The following PSME4 variants were observed in gnomAD, a reference collection of about 807,000 sequenced individuals.
The protein encoded by PSME4 is proteasome activator complex subunit 4.
A neutral mutation model predicts 253.9 loss-of-function variants in PSME4; 89 were observed. The observed-to-expected ratio is 0.35, with a 90% CI of 0.30 to 0.42. The LOEUF is 0.42. Among genes scored for constraint, PSME4 ranks in the 10% least tolerant of loss-of-function variants. The probability of loss-of-function intolerance (pLI) is 1.00; values close to 1 mark genes in which losing one functional copy is unlikely to be tolerated. For synonymous variants in PSME4, 851 were observed against 759.2 expected (o/e 1.12, Z -1.99); for missense variants, 2,014 against 2,195.2 (o/e 0.92, Z 1.65).
rs2302877 is a variant in PSME4 at position 53,895,702 on chromosome 2, A to G, written c.3723T>C (p.Gly1241=). Residue 1241 remains glycine (G), a synonymous_variant, in exon 33 of 47, where the codon GGT becomes GGC. Transcript: ENST00000404125. ...GCAACCAATGATTATCAGGCCTATC[A>G]CCAGCAATAATTTGGGTGGGTTTAG... The part of the protein sequence containing the change: ...GCPKPTQIIA[G]DRPDNHWLHY... The G allele has an allele frequency of 6.2e-7, 1 of 1,612,378 alleles. No homozygotes were observed. The highest frequency in any genetic ancestry group is 2.2e-5 in the East Asian group (1 of 44,810).
intron 6 of PSME4, 84 bp downstream of exon 6, chr2:53,936,680 T>C: frequency 1.0e-6 from 1 of 966,034 alleles, no homozygotes; most frequent in Non-Finnish European, 1.5e-6. Context: ...TCTATTAATA[T>C]TTATCTCCAA....
intron 3 of PSME4, among the ~76,000 whole-genome samples, chr2:53,947,532 C>T (rs1015576831): frequency 1.3e-5 from 2 of 151,850 alleles, no homozygotes; most frequent in Non-Finnish European, 1.5e-5. Flanking sequence ...GGTGAAACAC[C>T]GTCTCTACTA....
chr2:53,948,012 T>C (rs917388235), intron 3 of PSME4, among the ~76,000 whole-genome samples: 6 of 151,886 alleles, frequency 4.0e-5, no homozygotes, highest in African/African-American at 9.7e-5. Context: ...TGAGACACCA[T>C]CTCAGAAAAA....
intron 42 of PSME4, 58 bp from the exon 43 acceptor site, chr2:53,874,552 C>T (rs1679034982): frequency 2.7e-6 from 4 of 1,458,920 alleles, no homozygotes. Flanking sequence ...CATGAGATGA[C>T]AGATAGTGAC....
intron 3 of PSME4, among the ~76,000 whole-genome samples, chr2:53,943,610 G>A (rs1196548608): frequency 1.3e-5 from 2 of 152,126 alleles, no homozygotes; most frequent in Non-Finnish European, 2.9e-5. Context: ...GGAAGCCGAG[G>A]CGGGTGGATC....
chr2:53,919,747 G>A (rs541031125), intron 19 of PSME4, among the ~76,000 whole-genome samples: 9 of 151,966 alleles, frequency 5.9e-5, no homozygotes, highest in African/African-American at 1.9e-4. Context: ...TATTATTTTA[G>A]AAACTTTCAA....
intron 36 of PSME4, among the ~76,000 whole-genome samples, chr2:53,892,421 C>T (rs1021565022): frequency 6.6e-6 from 1 of 152,070 alleles, no homozygotes; most frequent in Non-Finnish European, 1.5e-5. Flanking sequence ...GATAAGGAGG[C>T]TAAGAGAAAG....
chr2:53,905,044 GTT>G (rs569890497), intron 26 of PSME4, among the ~76,000 whole-genome samples: 1 of 133,166 alleles, frequency 7.5e-6, no homozygotes, highest in Non-Finnish European at 1.6e-5. Context: ...ACTATAACCA[GTT>G]TTTTTTTTTT....
chr2:53,890,347 C>T, intron 36 of PSME4, 139 bp from the exon 37 acceptor site: 2 of 628,972 alleles, frequency 3.2e-6, no homozygotes, highest in South Asian at 2.0e-5. Context: ...CATGCTATTG[C>T]CCAGGCTGGA....
intron 5 of PSME4, among the ~76,000 whole-genome samples, 200 bp from the exon 6 acceptor site, chr2:53,937,027 T>C (rs1037162021): frequency 6.6e-6 from 1 of 152,224 alleles, no homozygotes; most frequent in Admixed American, 6.5e-5. Context: ...TTAAGAAATA[T>C]GATCTCACAG....
chr2:53,937,071 A>G (rs889899472), intron 5 of PSME4, among the ~76,000 whole-genome samples: 1 of 152,158 alleles, frequency 6.6e-6, no homozygotes, highest in Non-Finnish European at 1.5e-5. Context: ...AGTACTGTCC[A>G]TTCTTATTTA....
Position 53,895,826 on chromosome 2 carries a change from T to C in PSME4, c.3689-90A>G. The C allele has an allele frequency of 2.5e-6, 3 of 1,188,172 alleles. No homozygotes were observed. In the South Asian group the frequency reaches 4.8e-5, roughly 19 times the overall value. The allele number at this position is 1,188,172 out of a possible 1,614,324, so 73.6% of individuals were successfully genotyped here. A position where few individuals can be genotyped will look rare whatever the true frequency, so the allele number is the denominator to read the frequency against. On this transcript the variant is annotated intron_variant, in intron 32 of 46. Transcript: ENST00000404125. Reference sequence around the variant, plus strand: ...TCAATCAACAGTACCAGCATAACTTTGTCTTCACAAAACAACACTACAAAA... The same window carrying C: ...TCAATCAACAGTACCAGCATAACTTCGTCTTCACAAAACAACACTACAAAA...
chr2:53,890,372 T>C (rs1219791121), intron 36 of PSME4, among the ~76,000 whole-genome samples, 164 bp from the exon 37 acceptor site: 5 of 152,168 alleles, frequency 3.3e-5, no homozygotes, highest in African/African-American at 9.7e-5. Flanking sequence ...AGTGGAATGA[T>C]CATACCTCGA....
chr2:53,932,292 G>T (rs1668868952), intron 9 of PSME4, among the ~76,000 whole-genome samples, 192 bp from the exon 10 acceptor site: 1 of 151,828 alleles, frequency 6.6e-6, no homozygotes, highest in Non-Finnish European at 1.5e-5. Context: ...TAATGAAAAT[G>T]AGTTTCAAAT....
At chr2:53,961,804 G>C (rs1358496961) in intron 1 of PSME4, among the ~76,000 whole-genome samples, 1 of 152,088 alleles carries the variant, frequency 6.6e-6, no homozygotes, top group Non-Finnish European at 1.5e-5. Flanking sequence ...AGGTACACTC[G>C]CCAGCAGTTT....
At chr2:53,877,299 A>G (rs1026674079) in intron 41 of PSME4, among the ~76,000 whole-genome samples, 2 of 151,214 alleles carry the variant, frequency 1.3e-5, no homozygotes, top group Admixed American at 6.6e-5. Context: ...ACATGCCTAT[A>G]GTCCTTGGGA....
intron 26 of PSME4, 152 bp from the exon 27 acceptor site, chr2:53,904,308 G>T (rs1193338485): frequency 2.5e-6 from 2 of 788,488 alleles, no homozygotes; most frequent in East Asian, 5.4e-5. Context: ...AGAAGTAAAT[G>T]ATTATCTTTA....
intron 43 of PSME4, among the ~76,000 whole-genome samples, chr2:53,872,275 A>G (rs1678913352): frequency 6.6e-6 from 1 of 152,162 alleles, no homozygotes; most frequent in Admixed American, 6.5e-5. Context: ...ATTTTCCTCT[A>G]TTTCTAAGAA....
Position 53,887,384 on chromosome 2 carries a change from G to A in PSME4, c.4604C>T (p.Ala1535Val), listed in dbSNP as rs200700251. ...TISPHVPEFT[A>V]RILEKLKPLM... is the part of the protein sequence containing the mutation. ...AGGTTTCAATTTCTCCAGAATTCGA[G>A]CAGTAAACTCAGGGACATGAGGCGA... is the stretch of plus-strand genomic sequence containing the variant. Residue 1535 changes from alanine to valine, a missense_variant, in exon 40 of 47, where the codon GCT (alanine) becomes GTT (valine). Around this residue, in one of 4 missense-constraint regions of PSME4, gnomAD observed 403 missense variants for 556.1 expected, o/e 0.72. Coordinates refer to ENST00000404125, the MANE Select transcript of PSME4 (RefSeq NM_014614.3). 3 of 1,613,800 alleles carry A rather than the reference G, an allele frequency of 1.9e-6. No homozygotes were observed. Among genetic ancestry groups the A allele is most frequent in the Non-Finnish European group, 2.5e-6 (3 of 1,179,740 alleles).
Sources: allele counts gnomAD v4.1 joint callset (sites outside exome capture counted in the v4.1 genomes callset), GRCh38; gene constraint gnomAD v4.1.1; regional missense constraint gnomAD v4.1.1; transcripts MANE v1.5; gene names NCBI Gene and HGNC (gene_info 2026-07-23, HGNC 2026-07-21).